The following SLC25A28 variants were observed in gnomAD, a reference collection of about 807,000 sequenced individuals.
The protein encoded by SLC25A28 is mitoferrin-2.
Under a neutral mutation model 31.9 loss-of-function variants are expected in SLC25A28, and 10 were observed. The ratio of observed to expected loss-of-function variants is 0.31; its 90% CI spans 0.19 to 0.53. The LOEUF is 0.53. SLC25A28 is among the 20% of genes least tolerant of loss of function. The pLI, the probability that SLC25A28 is intolerant of heterozygous loss-of-function variation, is 0.95. For missense variants in SLC25A28, 256 were observed against 490.3 expected (o/e 0.52, Z 4.51); for synonymous variants, 208 against 203.6 (o/e 1.02, Z -0.19).
the SLC25A28 span, among the ~76,000 whole-genome samples, chr10:99,642,801 T>C: frequency 6.6e-6 from 1 of 152,228 alleles, no homozygotes; most frequent in African/African-American, 2.4e-5. Flanking sequence ...GTCAAAGGCC[T>C]TTGCTGCATC....
the SLC25A28 span, among the ~76,000 whole-genome samples, chr10:99,632,612 A>G: frequency 6.6e-6 from 1 of 152,186 alleles, no homozygotes; most frequent in African/African-American, 2.4e-5. Flanking sequence ...CATCATAGAA[A>G]TCAATGGCAT....
chr10:99,613,454 C>CAAGTCAAGCTGGTAGGT lies in SLC25A28; in HGVS notation c.520+225_520+241dup. The CAAGTCAAGCTGGTAGGT allele has an allele frequency of 7.2e-7, 1 of 1,387,860 alleles. No homozygotes were observed. Among genetic ancestry groups the CAAGTCAAGCTGGTAGGT allele is most frequent in the East Asian group, 2.8e-5 (1 of 35,704 alleles). The allele number at this position is 1,387,860 out of a possible 1,614,324, so 86.0% of individuals were successfully genotyped here. On this transcript the variant is annotated intron_variant, in intron 2 of 3. Coordinates refer to ENST00000370495, the MANE Select transcript of SLC25A28 (RefSeq NM_031212.4). This position sits in a 1 kb window ranked among gnomAD's most constrained non-coding sequence, Gnocchi z 4.9. ...GTTGATGCCAGGGAGATGAGAGGAA[C>CAAGTCAAGCTGGTAGGT]AAGTCAAGCTGGTAGGTAAGGGAGG...
the SLC25A28 span, among the ~76,000 whole-genome samples, chr10:99,637,502 T>G: frequency 3.9e-5 from 6 of 152,148 alleles, no homozygotes; most frequent in Non-Finnish European, 8.8e-5. Flanking sequence ...ACTGTCACTG[T>G]TTGCTGACAA....
At chr10:99,627,068 C>G in the SLC25A28 span, among the ~76,000 whole-genome samples, 1 of 152,004 alleles carries the variant, frequency 6.6e-6, no homozygotes, top group Non-Finnish European at 1.5e-5. Flanking sequence ...TAGTGAAACA[C>G]TGTCTGTACT....
At chr10:99,617,965 T>C in intron 1 of SLC25A28, 3 of 266,562 alleles carry the variant, frequency 1.1e-5, no homozygotes, top group Non-Finnish European at 1.7e-5. Flanking sequence ...CTTTCAGAGG[T>C]GTTTCCTCAA....
At chr10:99,616,765 A>G (rs2034666682) in intron 1 of SLC25A28, 1 of 981,054 alleles carries the variant, frequency 1.0e-6, no homozygotes, top group Admixed American at 6.2e-5. Context: ...AGTTCAAATC[A>G]TAACTGTGCT....
At chr10:99,626,756 A>G in the SLC25A28 span, among the ~76,000 whole-genome samples, 2 of 150,830 alleles carry the variant, frequency 1.3e-5, no homozygotes, top group East Asian at 2.0e-4. Flanking sequence ...TATTCTGTGT[A>G]CATAAATATG....
chr10:99,642,470 G>A, the SLC25A28 span, among the ~76,000 whole-genome samples: 2 of 152,200 alleles, frequency 1.3e-5, no homozygotes, highest in Non-Finnish European at 2.9e-5. Flanking sequence ...GTTTTGGGAT[G>A]AGACGATGGG....
At chr10:99,640,316 T>G in the SLC25A28 span, among the ~76,000 whole-genome samples, 1,110 of 152,324 alleles carry the variant, frequency 7.3e-3, 17 homozygotes, top group African/African-American at 0.024. Context: ...AGTGGCTCAC[T>G]CACACAGCTG....
At chr10:99,634,591 A>G in the SLC25A28 span, among the ~76,000 whole-genome samples, 1 of 152,216 alleles carries the variant, frequency 6.6e-6, no homozygotes, top group Admixed American at 6.5e-5. Context: ...TCAAACAAAG[A>G]CAAAGAAAAA....
intron 1 of SLC25A28, chr10:99,619,008 T>A: frequency 1.0e-6 from 1 of 985,442 alleles, no homozygotes. Context: ...CAGTCCCCTC[T>A]AGTTTACCTC....
At position 99,613,997 on chromosome 10, in the gene SLC25A28, A is replaced by G; in HGVS notation, c.292-73T>C. On this transcript the variant is annotated intron_variant, in intron 1 of 3. Transcript: ENST00000370495. This position sits in a 1 kb window ranked among gnomAD's most constrained non-coding sequence, Gnocchi z 4.9. Reference sequence around the variant, plus strand: ...CGCCCCACCTCAACACACTGGGCAGACCTTCTACATGGAGCTGTGCCAATC... The same window carrying G: ...CGCCCCACCTCAACACACTGGGCAGGCCTTCTACATGGAGCTGTGCCAATC... The G allele has an allele frequency of 1.4e-6, 2 of 1,466,484 alleles. No individual in the cohort carries two copies. The highest frequency in any genetic ancestry group is 4.9e-5 in the East Asian group (2 of 40,712). 90.8% of individuals were successfully genotyped at this position (1,466,484 alleles called of 1,614,324 possible).
chr10:99,648,472 T>A, the SLC25A28 span, among the ~76,000 whole-genome samples: 4 of 152,164 alleles, frequency 2.6e-5, no homozygotes, highest in African/African-American at 9.7e-5. Context: ...AGGATTTTTT[T>A]ATAATTCTGG....
the SLC25A28 span, among the ~76,000 whole-genome samples, chr10:99,642,994 C>T: frequency 2.6e-5 from 4 of 152,022 alleles, no homozygotes; most frequent in African/African-American, 7.3e-5. Flanking sequence ...ATTTTTGCAT[C>T]GATGTTCACC....
chr10:99,625,987 T>G, the SLC25A28 span, among the ~76,000 whole-genome samples: 1 of 152,234 alleles, frequency 6.6e-6, no homozygotes, highest in Non-Finnish European at 1.5e-5. Flanking sequence ...AATGGGAATC[T>G]TTGTTACAGC....
intron 1 of SLC25A28, chr10:99,616,094 T>C: frequency 1.0e-6 from 1 of 985,412 alleles, no homozygotes; most frequent in Non-Finnish European, 1.2e-6. Context: ...GGCCAATAAA[T>C]CTGCCTTTTA....
At chr10:99,626,956 A>T in the SLC25A28 span, among the ~76,000 whole-genome samples, 3 of 152,174 alleles carry the variant, frequency 2.0e-5, no homozygotes, top group Admixed American at 2.0e-4. Flanking sequence ...AAAAATAATT[A>T]ATTTTATGGC....
chr10:99,618,332 G>A, intron 1 of SLC25A28: 4 of 984,962 alleles, frequency 4.1e-6, no homozygotes, highest in Non-Finnish European at 4.8e-6. Context: ...TTATTACACT[G>A]TATTTTTCAA....
the SLC25A28 span, among the ~76,000 whole-genome samples, chr10:99,651,594 C>CTTTTTTTT: frequency 2.7e-5 from 3 of 110,174 alleles, 1 homozygote; most frequent in Non-Finnish European, 5.4e-5. Context: ...TTTTTCTTTT[C>CTTTTTTTT]TTTTTTTTTT....
Sources: allele counts gnomAD v4.1 joint callset (sites outside exome capture counted in the v4.1 genomes callset), GRCh38; gene constraint gnomAD v4.1.1; non-coding constraint Gnocchi (gnomAD v3.1); transcripts MANE v1.5; gene names NCBI Gene and HGNC (gene_info 2026-07-23, HGNC 2026-07-21).